The following TSC22D3 variants were observed in gnomAD, a reference collection of about 807,000 sequenced individuals.
The protein encoded by TSC22D3 is TSC22 domain family protein 3.
In TSC22D3, 4 loss-of-function variants were observed where a neutral mutation model predicts 11.1. The ratio of observed to expected loss-of-function variants is 0.36; its 90% CI spans 0.18 to 0.83. The LOEUF is 0.83. TSC22D3 is among the 40% of genes least tolerant of loss of function. The pLI is 0.48. For missense variants in TSC22D3, 118 were observed against 159.4 expected (o/e 0.74, Z 1.40); for synonymous variants, 77 against 70.3 (o/e 1.10, Z -0.48).
At chrX:107,772,097 T>G (rs1267528931) in intron 1 of TSC22D3, among the ~76,000 whole-genome samples, 4 of 112,177 alleles carry the variant, frequency 3.6e-5, no homozygotes, top group Non-Finnish European at 7.5e-5. Flanking sequence ...CTTATACTCT[T>G]GTGTTCCAAG....
intron 1 of TSC22D3, among the ~76,000 whole-genome samples, chrX:107,742,269 GAGAGAGAGAGAA>G (rs1478175061): frequency 2.5e-3 from 194 of 76,166 alleles, no homozygotes; most frequent in African/African-American, 7.2e-3. Context: ...TTGAGAGAGA[GAGAGAGAGAGAA>G]AGAGAGAGAG....
intron 1 of TSC22D3, among the ~76,000 whole-genome samples, chrX:107,728,882 G>A (rs1013612288): frequency 1.3e-4 from 14 of 111,558 alleles, no homozygotes; most frequent in Admixed American, 9.5e-5. Context: ...AACCCAGGCT[G>A]GCTAAGTATA....
At chrX:107,714,812 T>G in intron 2 of TSC22D3, 63 bp from the exon 3 acceptor site, 2 of 1,073,442 alleles carry the variant, frequency 1.9e-6, no homozygotes, top group Non-Finnish European at 2.6e-6. Context: ...TGCAGCACCT[T>G]TGCTCTGTCA....
intron 1 of TSC22D3, among the ~76,000 whole-genome samples, chrX:107,753,293 C>T (rs755831630): frequency 9.0e-6 from 1 of 111,305 alleles, no homozygotes; most frequent in Non-Finnish European, 1.9e-5. Flanking sequence ...CATAGATTCC[C>T]CATGAATACA....
chrX:107,762,729 A>G (rs1309146578), intron 1 of TSC22D3, among the ~76,000 whole-genome samples: 1 of 109,139 alleles, frequency 9.2e-6, no homozygotes, highest in Non-Finnish European at 1.9e-5. Context: ...TCATGCTACA[A>G]TGTAGGCCTG....
intron 1 of TSC22D3, among the ~76,000 whole-genome samples, chrX:107,751,944 C>T (rs1928951512): frequency 1.8e-5 from 2 of 112,605 alleles, no homozygotes; most frequent in South Asian, 3.7e-4. Context: ...AAAATTGCAA[C>T]TTGGGAAGGG....
intron 1 of TSC22D3, among the ~76,000 whole-genome samples, chrX:107,731,309 C>T (rs1156278390): frequency 9.0e-6 from 1 of 111,677 alleles, no homozygotes; most frequent in Non-Finnish European, 1.9e-5. Flanking sequence ...TCTTCCAGAG[C>T]ACGGTGGAAA....
intron 1 of TSC22D3, among the ~76,000 whole-genome samples, chrX:107,762,204 G>T (rs1235904830): frequency 1.8e-5 from 2 of 111,703 alleles, no homozygotes; most frequent in African/African-American, 6.5e-5. Flanking sequence ...TACTTGGGGT[G>T]GGCGGCCTTA....
Position 107,716,817 on chromosome X carries a change from G to T in TSC22D3, c.321-867C>A, listed in dbSNP as rs769761897. 4.1e-6 allele frequency: 5 copies of T among 1,206,872 alleles called. No individual in the cohort carries two copies. In the African/African-American group the frequency reaches 7.1e-5, roughly 17 times the overall value. On this transcript the variant is annotated intron_variant, in intron 1 of 2. Transcript: ENST00000372383. ...TGATACATTTCGGTGTTCATGGCTC[G>T]GGCTGCTAGGAAGCTCTGGCCGGGT...
chrX:107,762,187 C>T (rs1929469454), intron 1 of TSC22D3, among the ~76,000 whole-genome samples: 2 of 111,968 alleles, frequency 1.8e-5, no homozygotes, highest in African/African-American at 6.5e-5. Context: ...TTCTCCTCTG[C>T]AACAAGTACT....
intron 1 of TSC22D3, among the ~76,000 whole-genome samples, chrX:107,748,926 G>A (rs756015380): frequency 3.6e-5 from 4 of 111,874 alleles, no homozygotes; most frequent in Non-Finnish European, 5.6e-5. Context: ...TTGGGTAAAG[G>A]CATTGGCATT....
intron 1 of TSC22D3, among the ~76,000 whole-genome samples, chrX:107,765,371 C>T (rs1929612375): frequency 8.9e-6 from 1 of 111,955 alleles, no homozygotes. Context: ...TGCTTTGTTC[C>T]CCACTGGCCT....
chrX:107,725,809 G>A lies in TSC22D3; in HGVS notation c.321-9859C>T, dbSNP rs1302737131. On this transcript the variant is annotated intron_variant, in intron 1 of 2. Transcript: ENST00000372383. ...GCCTGGCAGGTCAGGGACATGCGGC[G>A]GGGGAGGGGTGGGCATCGTTGTGGG... Among the ~76,000 whole-genome samples, 10 of 111,597 alleles carry A rather than the reference G, an allele frequency of 9.0e-5. No homozygotes were observed. The East Asian group carries it at 2.5e-3, about 28-fold the overall frequency.
At chrX:107,737,097 C>T (rs1416602461) in intron 1 of TSC22D3, among the ~76,000 whole-genome samples, 1 of 111,674 alleles carries the variant, frequency 9.0e-6, no homozygotes, top group African/African-American at 3.3e-5. Context: ...TCTCTCTCAC[C>T]CACCCTGCTG....
chrX:107,738,830 C>A (rs1928262045), intron 1 of TSC22D3, among the ~76,000 whole-genome samples: 1 of 112,400 alleles, frequency 8.9e-6, no homozygotes, highest in Admixed American at 9.3e-5. Flanking sequence ...TCCCCCCACC[C>A]CCACCCTTGT....
At chrX:107,719,776 T>A (rs774416995) in intron 1 of TSC22D3, among the ~76,000 whole-genome samples, 1 of 111,242 alleles carries the variant, frequency 9.0e-6, no homozygotes, top group Non-Finnish European at 1.9e-5. Context: ...GCCCTACTAT[T>A]AGAGAGGTCC....
rs1927092977 is a variant in TSC22D3 at position 107,717,146 on chromosome X, A to G, written c.321-1196T>C. On this transcript the variant is annotated intron_variant, in intron 1 of 2. Transcript: ENST00000372383. ...CAGGGGCCATGCAAATGAGTCCTGT[A>G]CCGGGCTTTGTGGCCCAGTTAAACC... 1.4e-5 allele frequency: 11 copies of G among 800,321 alleles called. No homozygotes were observed. The South Asian group carries it at 5.3e-4, about 38-fold the overall frequency. 66.0% of individuals were successfully genotyped at this position (800,321 alleles called of 1,213,427 possible).
At chrX:107,743,872 C>T (rs1215734931) in intron 1 of TSC22D3, among the ~76,000 whole-genome samples, 3 of 111,891 alleles carry the variant, frequency 2.7e-5, no homozygotes, top group African/African-American at 9.8e-5. Context: ...GCCTTTACCA[C>T]TCCTTTGGGA....
intron 1 of TSC22D3, among the ~76,000 whole-genome samples, chrX:107,754,778 A>G (rs1040802901): frequency 7.1e-5 from 8 of 112,576 alleles, no homozygotes; most frequent in African/African-American, 2.6e-4. Flanking sequence ...GGGTTAGGGC[A>G]GGTGATTGCG....
Sources: gnomAD v4.1 joint callset for allele counts (sites outside exome capture counted in the v4.1 genomes callset) on GRCh38, gnomAD v4.1.1 for gene constraint, MANE v1.5 for transcripts, NCBI Gene and HGNC (gene_info 2026-07-23, HGNC 2026-07-21) for gene names.